C3orf70: variants seen among roughly 807,000 people sequenced by gnomAD.
C3orf70 encodes chromosome 3 open reading frame 70, also known as UPF0524 protein C3orf70.
A neutral mutation model predicts 20.7 loss-of-function variants in C3orf70; 15 were observed. That is an observed-to-expected ratio of 0.72 (90% CI 0.48 to 1.11). The LOEUF is 1.11. Among genes scored for constraint, C3orf70 ranks in the 50% most tolerant of loss-of-function variants. The probability of loss-of-function intolerance (pLI) is 0.00; values close to 1 mark genes in which losing one functional copy is unlikely to be tolerated. For missense variants in C3orf70, 332 were observed against 317.6 expected (o/e 1.05, Z -0.34); for synonymous variants, 161 against 125.7 (o/e 1.28, Z -1.88).
At chr3:185,110,643 A>G (rs1716052587) in intron 1 of C3orf70, among the ~76,000 whole-genome samples, 1 of 152,110 alleles carries the variant, frequency 6.6e-6, no homozygotes, top group Non-Finnish European at 1.5e-5. Context: ...CATAACGCCC[A>G]TGCTGGAAGG....
intron 1 of C3orf70, among the ~76,000 whole-genome samples, chr3:185,112,624 T>C (rs1447968246): frequency 6.6e-6 from 1 of 152,230 alleles, no homozygotes; most frequent in Non-Finnish European, 1.5e-5. Context: ...TAAAAAATTA[T>C]GAAATATCTT....
At position 185,111,443 on chromosome 3, in the gene C3orf70, T is replaced by A. The variant is rs529891186; in HGVS notation, c.197-27880A>T. ...TCAAAAGGATTTGAATAGATATGTC[T>A]TTAAAGATGGTCAATAAGCAAATGA... is the stretch of plus-strand genomic sequence containing the variant. On this transcript the variant is annotated intron_variant, in intron 1 of 1. Coordinates refer to ENST00000335012, the MANE Select transcript of C3orf70 (RefSeq NM_001025266.3). Among the ~76,000 whole-genome samples the A allele has an allele frequency of 3.9e-5, 6 of 152,320 alleles. No homozygotes were observed. The East Asian group carries it at 1.2e-3, about 29-fold the overall frequency.
At chr3:185,094,834 G>A (rs1715668348) in intron 1 of C3orf70, among the ~76,000 whole-genome samples, 1 of 152,128 alleles carries the variant, frequency 6.6e-6, no homozygotes, top group South Asian at 2.1e-4. Context: ...AGAGCTGAGG[G>A]AGCCTTCTCA....
chr3:185,139,360 C>A (rs1045289002), intron 1 of C3orf70, among the ~76,000 whole-genome samples: 7 of 151,850 alleles, frequency 4.6e-5, no homozygotes, highest in African/African-American at 1.7e-4. Flanking sequence ...CGAGACCAGC[C>A]TGGCCAACAT....
intron 1 of C3orf70, among the ~76,000 whole-genome samples, chr3:185,104,363 T>A (rs547314120): frequency 5.3e-5 from 8 of 152,344 alleles, no homozygotes; most frequent in Admixed American, 5.2e-4. Flanking sequence ...GGAATGCTTA[T>A]ACACTGTTGG....
At chr3:185,085,510 T>C (rs1715440909) in intron 1 of C3orf70, among the ~76,000 whole-genome samples, 1 of 152,180 alleles carries the variant, frequency 6.6e-6, no homozygotes, top group East Asian at 1.9e-4. Flanking sequence ...TTAAAGTCGT[T>C]AAGCCTCTGG....
chr3:185,133,588 C>CA (rs1716564519), intron 1 of C3orf70, among the ~76,000 whole-genome samples: 1 of 151,608 alleles, frequency 6.6e-6, no homozygotes, highest in Non-Finnish European at 1.5e-5. Flanking sequence ...ACCAAAAACA[C>CA]AAAAAAATTA....
chr3:185,082,761 A>C lies in C3orf70; in HGVS notation c.*246T>G. ...CCAGTGAAATTAAGGCGGGGTCACAATTCATGACACCAGATGCTACATAGA... is the reference window on the plus strand; with the variant it reads ...CCAGTGAAATTAAGGCGGGGTCACACTTCATGACACCAGATGCTACATAGA... On this transcript the variant is annotated 3_prime_UTR_variant, in exon 2 of 2. Transcript: ENST00000335012. 1 of 455,876 alleles carries C rather than the reference A, an allele frequency of 2.2e-6. No individual in the cohort carries two copies. Among genetic ancestry groups the C allele is most frequent in the East Asian group, 3.6e-5 (1 of 27,460 alleles). 28.2% of individuals were successfully genotyped at this position (455,876 alleles called of 1,614,324 possible).
At chr3:185,101,003 T>C (rs1165560868) in intron 1 of C3orf70, among the ~76,000 whole-genome samples, 1 of 151,996 alleles carries the variant, frequency 6.6e-6, no homozygotes. Context: ...AATTGCTGAA[T>C]AGACTAGTAA....
chr3:185,103,401 G>A (rs1376666052), intron 1 of C3orf70, among the ~76,000 whole-genome samples: 2 of 152,032 alleles, frequency 1.3e-5, no homozygotes, highest in African/African-American at 4.8e-5. Context: ...AACTATCAAC[G>A]GAGTAAACAG....
intron 1 of C3orf70, among the ~76,000 whole-genome samples, chr3:185,105,874 T>C (rs796405894): frequency 1.3e-5 from 2 of 152,028 alleles, no homozygotes; most frequent in South Asian, 4.1e-4. Flanking sequence ...ATGGGATAAG[T>C]GTGGGGTGTG....
Position 185,077,820 on chromosome 3 carries a change from A to C in C3orf70, c.*5187T>G, listed in dbSNP as rs1715231257. On this transcript the variant is annotated 3_prime_UTR_variant, in exon 2 of 2. Coordinates refer to ENST00000335012, the MANE Select transcript of C3orf70 (RefSeq NM_001025266.3). ...GGGGGTATCAAGTTTTATTTGCTAT[A>C]AACCCAATGTAGCCAGAGTTCTGGG... 6.7e-6 allele frequency among the ~76,000 whole-genome samples: 1 copy of C among 148,938 alleles called. No homozygotes were observed. The highest frequency in any genetic ancestry group is 6.8e-5 in the Admixed American group (1 of 14,772).
chr3:185,109,866 TAATG>T (rs1254850878), intron 1 of C3orf70, among the ~76,000 whole-genome samples: 1 of 152,098 alleles, frequency 6.6e-6, no homozygotes, highest in Non-Finnish European at 1.5e-5. Context: ...TGGCCAGAAA[TAATG>T]AACGTACTTG....
In C3orf70 at chr3:185,077,236, C is replaced by T. The variant is rs980370766; in HGVS notation, c.*5771G>A. On this transcript the variant is annotated 3_prime_UTR_variant, in exon 2 of 2. Transcript: ENST00000335012. ...ACCAGGTGCACTGAGGTAGACGAGG[C>T]ACTAGTCTGTGGGAAGGTATCTGCT... 6.6e-6 allele frequency among the ~76,000 whole-genome samples: 1 copy of T among 152,100 alleles called. No homozygotes were observed. Among genetic ancestry groups the T allele is most frequent in the African/African-American group, 2.4e-5 (1 of 41,412 alleles).
intron 1 of C3orf70, among the ~76,000 whole-genome samples, chr3:185,109,753 A>G (rs1716024288): frequency 6.6e-6 from 1 of 152,180 alleles, no homozygotes; most frequent in Non-Finnish European, 1.5e-5. Flanking sequence ...ACTCTATGAC[A>G]CAGTTACACA....
chr3:185,103,881 A>T (rs924486805), intron 1 of C3orf70, among the ~76,000 whole-genome samples: 2 of 152,172 alleles, frequency 1.3e-5, no homozygotes, highest in African/African-American at 4.8e-5. Context: ...TCAGGCATAT[A>T]CATGGTGGGC....
At chr3:185,102,885 C>T (rs1324904120) in intron 1 of C3orf70, among the ~76,000 whole-genome samples, 1 of 152,192 alleles carries the variant, frequency 6.6e-6, no homozygotes, top group Admixed American at 6.5e-5. Flanking sequence ...CTTCTTTACA[C>T]CATATACAAA....
chr3:185,085,566 G>A (rs9855906), intron 1 of C3orf70, among the ~76,000 whole-genome samples: 120,977 of 152,116 alleles, frequency 0.8, 48,198 homozygotes, highest in East Asian at 0.89. Flanking sequence ...TGCAAACCCC[G>A]CAGTCTGATA....
chr3:185,139,062 A>G (rs1716688325), intron 1 of C3orf70, among the ~76,000 whole-genome samples: 2 of 151,890 alleles, frequency 1.3e-5, no homozygotes, highest in African/African-American at 2.4e-5. Flanking sequence ...TGATCACACC[A>G]CTGCACTCTA....
Sources: gnomAD v4.1 joint callset for allele counts (sites outside exome capture counted in the v4.1 genomes callset) on GRCh38, gnomAD v4.1.1 for gene constraint, MANE v1.5 for transcripts, NCBI Gene and HGNC (gene_info 2026-07-23, HGNC 2026-07-21) for gene names.